ZNF385D: variants seen among roughly 807,000 people sequenced by gnomAD.
The protein encoded by ZNF385D is zinc finger protein 385D.
In ZNF385D, 15 loss-of-function variants were observed where a neutral mutation model predicts 35.8. That is an observed-to-expected ratio of 0.42 (90% CI 0.28 to 0.64). ZNF385D has a LOEUF of 0.64. ZNF385D is among the 30% of genes least tolerant of loss of function. ZNF385D has a pLI of 0.23. For synonymous variants in ZNF385D, 212 were observed against 186.8 expected, an observed-to-expected ratio of 1.13 and a Z score of -1.10; for missense variants, 474 against 494.6, an observed-to-expected ratio of 0.96 and a Z score of 0.39.
Position 21,728,078 on chromosome 3 carries a change from T to C in ZNF385D, c.22+22817A>G, listed in dbSNP as rs373571559. 1.3e-4 allele frequency among the ~76,000 whole-genome samples: 20 copies of C among 151,670 alleles called. No individual in the cohort carries two copies. The East Asian group carries it at 2.9e-3, about 22-fold the overall frequency. On this transcript the variant is annotated intron_variant, in intron 1 of 7. Transcript: ENST00000281523. ...GCATGTTCTCACTCATACGTGGGAGTTGAACAATGAGAACACATGGACACA... is the reference window on the plus strand; with the variant it reads ...GCATGTTCTCACTCATACGTGGGAGCTGAACAATGAGAACACATGGACACA...
At chr3:21,809,182 G>A (rs1002886683) in intron 3 of ZNF385D, among the ~76,000 whole-genome samples, 1 of 151,976 alleles carries the variant, frequency 6.6e-6, no homozygotes, top group Non-Finnish European at 1.5e-5. Context: ...TTTTAAAGTA[G>A]CTATTATTAA....
chr3:22,030,338 A>G (rs1417861738), intron 3 of ZNF385D, among the ~76,000 whole-genome samples: 1 of 129,406 alleles, frequency 7.7e-6, no homozygotes. Context: ...AACTCTGACT[A>G]ATATGGTTTA....
intron 2 of ZNF385D, among the ~76,000 whole-genome samples, chr3:21,590,885 G>A (rs181479653): frequency 1.2e-4 from 18 of 151,990 alleles, no homozygotes; most frequent in South Asian, 1.0e-3. Flanking sequence ...CCTGGTAACC[G>A]AAAATAAATA....
At chr3:22,356,453 A>T (rs1696153284) in intron 2 of ZNF385D, among the ~76,000 whole-genome samples, 1 of 151,894 alleles carries the variant, frequency 6.6e-6, no homozygotes, top group Admixed American at 6.6e-5. Flanking sequence ...AATCTAAGAA[A>T]CGTGAGAAGC....
chr3:21,898,022 A>C (rs1016409870), intron 3 of ZNF385D, among the ~76,000 whole-genome samples: 2 of 152,174 alleles, frequency 1.3e-5, no homozygotes, highest in Non-Finnish European at 2.9e-5. Flanking sequence ...TTTTATAAAC[A>C]TAGAAAGATG....
intron 3 of ZNF385D, among the ~76,000 whole-genome samples, chr3:21,978,853 T>C (rs920139765): frequency 6.6e-6 from 1 of 152,174 alleles, no homozygotes; most frequent in Non-Finnish European, 1.5e-5. Context: ...CTTGACTGTA[T>C]AAAAATATTC....
intron 3 of ZNF385D, among the ~76,000 whole-genome samples, chr3:21,854,810 T>A (rs1696617942): frequency 1.3e-5 from 2 of 152,024 alleles, no homozygotes; most frequent in African/African-American, 4.8e-5. Flanking sequence ...ATTAATTGAA[T>A]GAACTAAATA....
intron 2 of ZNF385D, among the ~76,000 whole-genome samples, chr3:22,226,374 A>G (rs1399407271): frequency 6.6e-6 from 1 of 152,092 alleles, no homozygotes; most frequent in African/African-American, 2.4e-5. Flanking sequence ...CATTTCAGAA[A>G]GCTACCCAGC....
chr3:21,469,845 ATTGT>A (rs1703770771), intron 4 of ZNF385D, among the ~76,000 whole-genome samples: 1 of 152,196 alleles, frequency 6.6e-6, no homozygotes, highest in African/African-American at 2.4e-5. Context: ...AAAGCCAATA[ATTGT>A]TTTGTGGTCT....
chr3:22,127,845 T>C (rs1025318562), intron 3 of ZNF385D, among the ~76,000 whole-genome samples: 3 of 151,986 alleles, frequency 2.0e-5, no homozygotes, highest in Non-Finnish European at 4.4e-5. Context: ...TATCATACTA[T>C]ACTATCTATG....
intron 3 of ZNF385D, among the ~76,000 whole-genome samples, chr3:21,536,654 A>T (rs1575124987): frequency 2.0e-5 from 3 of 152,190 alleles, no homozygotes; most frequent in Non-Finnish European, 4.4e-5. Context: ...ACAGGCAAAA[A>T]TTTTTGCCCT....
At chr3:21,583,951 C>CTTTAT (rs1553617406) in intron 2 of ZNF385D, among the ~76,000 whole-genome samples, 1 of 132,878 alleles carries the variant, frequency 7.5e-6, no homozygotes, top group Non-Finnish European at 1.7e-5. Flanking sequence ...ATTTATTTTA[C>CTTTAT]TTATTTACTT....
rs1205040173 is a variant in ZNF385D at position 22,240,299 on chromosome 3, T to C, written c.107-71264A>G. On this transcript the variant is annotated intron_variant, in intron 2 of 5. Transcript: ENST00000494108. ...ACCTGCTGTGCTTTTACTTTAAAAA[T>C]CCAACACCTTATTAGAGACACGGAA... is the stretch of plus-strand genomic sequence containing the variant. Among the ~76,000 whole-genome samples the C allele has an allele frequency of 1.3e-5, 2 of 150,336 alleles. 1 individual carries two copies. The highest frequency in any genetic ancestry group is 4.9e-5 in the African/African-American group (2 of 40,588).
intron 2 of ZNF385D, among the ~76,000 whole-genome samples, chr3:22,176,681 G>A (rs1252812336): frequency 3.9e-5 from 6 of 152,066 alleles, no homozygotes; most frequent in Non-Finnish European, 2.9e-5. Flanking sequence ...TTCCTTTTAA[G>A]CAGTAGACTT....
intron 3 of ZNF385D, among the ~76,000 whole-genome samples, chr3:21,953,628 A>G (rs777620148): frequency 1.3e-5 from 2 of 152,042 alleles, no homozygotes; most frequent in Non-Finnish European, 2.9e-5. Context: ...TACCTCAACT[A>G]AACCCCTGTG....
chr3:21,608,654 A>G (rs528900547), intron 2 of ZNF385D, among the ~76,000 whole-genome samples: 11 of 152,258 alleles, frequency 7.2e-5, no homozygotes, highest in South Asian at 2.1e-4. Context: ...AAAAATGTCT[A>G]TTAGTTTTGT....
At chr3:21,722,843 T>C (rs1297797744) in intron 1 of ZNF385D, among the ~76,000 whole-genome samples, 2 of 152,208 alleles carry the variant, frequency 1.3e-5, no homozygotes, top group Non-Finnish European at 2.9e-5. Flanking sequence ...TTTGGTTTCA[T>C]CCACCGGATT....
chr3:22,095,685 T>C (rs746933231), intron 3 of ZNF385D, among the ~76,000 whole-genome samples: 53 of 152,114 alleles, frequency 3.5e-4, no homozygotes, highest in Non-Finnish European at 6.5e-4. Flanking sequence ...ATTTTGATGC[T>C]ATTTGTGAAT....
intron 1 of ZNF385D, among the ~76,000 whole-genome samples, chr3:21,707,191 A>T (rs537038641): frequency 6.6e-6 from 1 of 152,270 alleles, no homozygotes; most frequent in African/African-American, 2.4e-5. Flanking sequence ...CTTTTTTAAT[A>T]ACTCCTATTT....
Sources: gnomAD v4.1 joint callset for allele counts (sites outside exome capture counted in the v4.1 genomes callset) on GRCh38, gnomAD v4.1.1 for gene constraint, MANE v1.5 for transcripts, NCBI Gene and HGNC (gene_info 2026-07-23, HGNC 2026-07-21) for gene names.